The following GSG1L variants were observed in gnomAD, a reference collection of about 807,000 sequenced individuals.
GSG1L encodes the protein GSG1 like.
GSG1L carries 24 observed loss-of-function variants against 42.1 expected under a neutral mutation model. That is an observed-to-expected ratio of 0.57 (90% CI 0.41 to 0.80). The LOEUF is 0.80. GSG1L is among the 30% of genes least tolerant of loss of function. The probability of loss-of-function intolerance (pLI) is 0.00; values close to 1 mark genes in which losing one functional copy is unlikely to be tolerated. For missense variants in GSG1L, 445 were observed against 472.2 expected, an observed-to-expected ratio of 0.94 and a Z score of 0.53; for synonymous variants, 215 against 203.5, an observed-to-expected ratio of 1.06 and a Z score of -0.48.
At chr16:27,881,259 T>TTTTTTG (rs35552924) in intron 3 of GSG1L, among the ~76,000 whole-genome samples, 1 of 146,320 alleles carries the variant, frequency 6.8e-6, no homozygotes, top group African/African-American at 2.6e-5. Flanking sequence ...TTTTTTTTTT[T>TTTTTTG]GAGATGGGGT....
intron 2 of GSG1L, among the ~76,000 whole-genome samples, chr16:27,940,913 TA>T (rs1278986357): frequency 6.6e-6 from 1 of 151,934 alleles, no homozygotes; most frequent in Non-Finnish European, 1.5e-5. Flanking sequence ...AAGAAAGCAT[TA>T]ATCCTAAAGA....
Position 27,884,330 on chromosome 16 carries a change from A to G in GSG1L, c.550+156T>C, listed in dbSNP as rs2084000550. Among the ~76,000 whole-genome samples the G allele has an allele frequency of 2.0e-5, 3 of 152,192 alleles. No homozygotes were observed. Among genetic ancestry groups the G allele is most frequent in the Admixed American group, 6.5e-5 (1 of 15,282 alleles). Reference sequence around the variant, plus strand: ...AGCATGTATTAGATGCTCAGTCAATATGCATTGGTCATTTTTTACAAACGA... The same window carrying G: ...AGCATGTATTAGATGCTCAGTCAATGTGCATTGGTCATTTTTTACAAACGA... On this transcript the variant is annotated intron_variant, in intron 3 of 6. Transcript: ENST00000447459. This position sits in a 1 kb window ranked among gnomAD's most constrained non-coding sequence, Gnocchi z 4.4.
At chr16:27,947,376 A>C (rs1200303375) in intron 2 of GSG1L, among the ~76,000 whole-genome samples, 2 of 113,802 alleles carry the variant, frequency 1.8e-5, no homozygotes, top group African/African-American at 6.7e-5. Flanking sequence ...GAGAGAAAGA[A>C]AGAAAGAAAA....
rs550741658 is a variant in GSG1L at position 28,041,188 on chromosome 16, C to A, written c.349+21888G>T. Reference sequence around the variant, plus strand: ...ATCAGAGTCTGGGTGTGCTGGCTCACACCTGTAATCCTAGCACTTTGGGAG... The same window carrying A: ...ATCAGAGTCTGGGTGTGCTGGCTCAAACCTGTAATCCTAGCACTTTGGGAG... On this transcript the variant is annotated intron_variant, in intron 1 of 6. Coordinates refer to ENST00000447459, the MANE Select transcript of GSG1L (RefSeq NM_001109763.2). Among the ~76,000 whole-genome samples, 25 of 152,296 alleles carry A rather than the reference C, an allele frequency of 1.6e-4. No individual in the cohort carries two copies. The East Asian group carries it at 3.3e-3, about 20-fold the overall frequency.
At chr16:27,827,988 T>C (rs895889119) in intron 5 of GSG1L, among the ~76,000 whole-genome samples, 3 of 148,214 alleles carry the variant, frequency 2.0e-5, no homozygotes, top group African/African-American at 7.6e-5. Context: ...CATCCATCCA[T>C]CCACCTACCC....
intron 2 of GSG1L, among the ~76,000 whole-genome samples, chr16:27,944,929 T>C (rs1306336272): frequency 6.6e-6 from 1 of 151,280 alleles, no homozygotes; most frequent in Admixed American, 6.6e-5. Context: ...AAAACAAAAT[T>C]AGACGGGCAT....
intron 1 of GSG1L, among the ~76,000 whole-genome samples, chr16:28,054,818 A>C (rs952204673): frequency 2.6e-5 from 4 of 151,960 alleles, no homozygotes; most frequent in Admixed American, 2.6e-4. Flanking sequence ...TGCAGATCAG[A>C]TGTCTTTAAA....
At chr16:28,046,463 C>T (rs2086159830) in intron 1 of GSG1L, among the ~76,000 whole-genome samples, 1 of 150,066 alleles carries the variant, frequency 6.7e-6, no homozygotes, top group South Asian at 2.1e-4. Flanking sequence ...AAGCGATTCT[C>T]CTGCCTCAGC....
At chr16:27,960,877 G>C (rs2085062609) in intron 2 of GSG1L, among the ~76,000 whole-genome samples, 1 of 152,140 alleles carries the variant, frequency 6.6e-6, no homozygotes, top group Non-Finnish European at 1.5e-5. Context: ...CAGCCAGAAG[G>C]TTCTCGGTGT....
In GSG1L at chr16:27,824,545, C is replaced by CACA. The variant is rs71389503; in HGVS notation, c.830+4243_830+4244insTGT. Among the ~76,000 whole-genome samples the CACA allele has an allele frequency of 2.1e-5, 3 of 141,596 alleles. No individual in the cohort carries two copies. The East Asian group carries it at 6.1e-4, about 29-fold the overall frequency. The allele number at this position is 141,596 out of a possible 152,430, so 92.9% of individuals were successfully genotyped here. On this transcript the variant is annotated intron_variant, in intron 5 of 6. Coordinates refer to ENST00000447459, the MANE Select transcript of GSG1L (RefSeq NM_001109763.2). ...CTCTGAGCTCTTTGTAGGGAAAGCACAAAAAAAAAAAGAAAAAAGGAAAAG... is the reference window on the plus strand; with the variant it reads ...CTCTGAGCTCTTTGTAGGGAAAGCACACAAAAAAAAAAAAGAAAAAAGGAAAAG...
Position 28,040,765 on chromosome 16 carries a change from C to T in GSG1L, c.349+22311G>A, listed in dbSNP as rs992968500. ...AGGTGGCTCTGGAGCCCCACATGCC[C>T]GCCCCAGGCAGGGTAGTGCTGACTG... On this transcript the variant is annotated intron_variant, in intron 1 of 6. Transcript: ENST00000447459. The surrounding 1 kb of genome is among the most constrained non-coding windows in gnomAD (Gnocchi z 4.1). 4.6e-5 allele frequency among the ~76,000 whole-genome samples: 7 copies of T among 152,288 alleles called. No homozygotes were observed. Among genetic ancestry groups the T allele is most frequent in the Non-Finnish European group, 7.4e-5 (5 of 68,016 alleles).
At chr16:27,913,643 A>C (rs1435287195) in intron 2 of GSG1L, among the ~76,000 whole-genome samples, 1 of 152,194 alleles carries the variant, frequency 6.6e-6, no homozygotes, top group African/African-American at 2.4e-5. Context: ...GACCACAATC[A>C]AGTTCATTCA....
At chr16:27,946,196 C>G (rs987832972) in intron 2 of GSG1L, among the ~76,000 whole-genome samples, 13 of 152,130 alleles carry the variant, frequency 8.5e-5, no homozygotes, top group Admixed American at 3.3e-4. Context: ...GTCAGCTGCC[C>G]GGCCACTCTG....
intron 2 of GSG1L, among the ~76,000 whole-genome samples, chr16:27,919,314 C>A (rs185496587): frequency 6.6e-4 from 100 of 152,306 alleles, no homozygotes; most frequent in Admixed American, 1.3e-3. Flanking sequence ...AATTCCCTAT[C>A]ATGGCCATCA....
chr16:27,793,493 G>GT (rs11449583), intron 6 of GSG1L, among the ~76,000 whole-genome samples: 95,446 of 151,744 alleles, frequency 0.63, 30,316 homozygotes, highest in Admixed American at 0.7. Context: ...GTTTTGTTTT[G>GT]TTTTTTTAAT....
At chr16:27,811,749 C>G (rs142461463) in intron 5 of GSG1L, among the ~76,000 whole-genome samples, 2 of 152,074 alleles carry the variant, frequency 1.3e-5, no homozygotes, top group Non-Finnish European at 2.9e-5. Context: ...CCTGGGTTCA[C>G]GCAATTCTCC....
At chr16:28,058,620 C>CAA (rs66952573) in intron 1 of GSG1L, among the ~76,000 whole-genome samples, 7,686 of 82,486 alleles carry the variant, frequency 0.093, 958 homozygotes, top group African/African-American at 0.31. Flanking sequence ...AGAACAAGAC[C>CAA]AAAAAAAAAA....
At chr16:27,892,423 T>A (rs1374371838) in intron 2 of GSG1L, among the ~76,000 whole-genome samples, 1 of 151,934 alleles carries the variant, frequency 6.6e-6, no homozygotes, top group African/African-American at 2.4e-5. Flanking sequence ...GTCGCTGCAC[T>A]CTAGCCTGGA....
intron 5 of GSG1L, among the ~76,000 whole-genome samples, chr16:27,812,404 T>C (rs2083041543): frequency 6.6e-6 from 1 of 152,232 alleles, no homozygotes; most frequent in South Asian, 2.1e-4. Context: ...AGTAAATATG[T>C]GAGGCTTTGC....
Sources: allele counts gnomAD v4.1 joint callset (sites outside exome capture counted in the v4.1 genomes callset), GRCh38; gene constraint gnomAD v4.1.1; non-coding constraint Gnocchi (gnomAD v3.1); transcripts MANE v1.5; gene names NCBI Gene and HGNC (gene_info 2026-07-23, HGNC 2026-07-21).